Variants in COMMD9 observed in about 807,000 individuals in gnomAD.
COMMD9 encodes COMM domain containing 9, also known as COMM domain-containing protein 9.
In COMMD9, 22 loss-of-function variants were observed where a neutral mutation model predicts 23.4. The observed-to-expected ratio is 0.94, with a 90% confidence interval of 0.67 to 1.34. COMMD9 has a LOEUF of 1.34. COMMD9 is among the 40% of genes most tolerant of loss of function. The pLI is 0.00. For missense variants in COMMD9, 231 were observed against 240.2 expected (o/e 0.96, Z 0.25); for synonymous variants, 99 against 97.4 (o/e 1.02, Z -0.10).
chr11:36,279,825 G>T (rs1325257411), intron 2 of COMMD9, among the ~76,000 whole-genome samples: 3 of 152,146 alleles, frequency 2.0e-5, no homozygotes, highest in Non-Finnish European at 4.4e-5. Context: ...AAAAACATAG[G>T]CCAGGTGCAG....
chr11:36,280,221 G>A (rs1856041999), intron 2 of COMMD9, among the ~76,000 whole-genome samples: 1 of 152,228 alleles, frequency 6.6e-6, no homozygotes, highest in Non-Finnish European at 1.5e-5. Context: ...CTTACCACAA[G>A]TTACCTTAAT....
rs1855939765 is a variant in COMMD9 at position 36,274,680 on chromosome 11, A to G, written c.549T>C (p.Asp183=). 6 of 1,614,274 alleles carry G rather than the reference A, an allele frequency of 3.7e-6. No individual in the cohort carries two copies. The highest frequency in any genetic ancestry group is 5.1e-6 in the Non-Finnish European group (6 of 1,180,050). Residue 183 remains aspartate (D), a synonymous_variant, in exon 6 of 6, where the codon GAT becomes GAC. Coordinates refer to ENST00000263401, the MANE Select transcript of COMMD9 (RefSeq NM_014186.4). The stretch of plus-strand genomic sequence containing the variant: ...GTTGGTCTCGGATGCGGCCCAGGCC[A>G]TCTAACATGGTGTCCAGTGTTTCTT... The part of the protein sequence containing the change: ...LSKETLDTML[D]GLGRIRDQLS...
intron 1 of COMMD9, among the ~76,000 whole-genome samples, chr11:36,285,535 C>A (rs1856136849): frequency 5.9e-5 from 9 of 151,970 alleles, no homozygotes; most frequent in Admixed American, 5.2e-4. Flanking sequence ...TACCCTGATA[C>A]CAAAACCGCA....
At chr11:36,287,630 G>A (rs1243730989) in intron 1 of COMMD9, among the ~76,000 whole-genome samples, 1 of 151,620 alleles carries the variant, frequency 6.6e-6, no homozygotes, top group Non-Finnish European at 1.5e-5. Context: ...AAAAAGAAAA[G>A]AAAGTACACA....
chr11:36,289,288 T>C, intron 1 of COMMD9, 74 bp downstream of exon 1: 1 of 1,430,498 alleles, frequency 7.0e-7, no homozygotes, highest in Non-Finnish European at 9.5e-7. Flanking sequence ...GGTCAATTTG[T>C]TCCCAATTCC....
At chr11:36,280,556 G>T (rs1300883148) in intron 2 of COMMD9, among the ~76,000 whole-genome samples, 156 bp downstream of exon 2, 1 of 152,198 alleles carries the variant, frequency 6.6e-6, no homozygotes, top group East Asian at 1.9e-4. Flanking sequence ...TCTGATTCTG[G>T]GTACAGTTCT....
chr11:36,280,837 C>T lies in COMMD9; in HGVS notation c.52G>A (p.Ala18Thr). ...HFAALQSLLK[A>T]SSKDVVRQLC... ...TGTCTGACAACATCTTTCGAGGAGGCCTATGAATTAAATCACAGATAGGAA... is the reference window on the plus strand; with the variant it reads ...TGTCTGACAACATCTTTCGAGGAGGTCTATGAATTAAATCACAGATAGGAA... The change falls in exon 2 of 6, where the codon GCC becomes ACC. Residue 18 changes from alanine to threonine, a missense_variant and splice_region_variant. Transcript: ENST00000263401. The T allele has an allele frequency of 1.3e-6, 2 of 1,558,666 alleles. No individual in the cohort carries two copies. The highest frequency in any genetic ancestry group is 1.7e-6 in the Non-Finnish European group (2 of 1,152,808).
chr11:36,282,127 C>G (rs774459696), intron 1 of COMMD9, among the ~76,000 whole-genome samples: 4 of 152,068 alleles, frequency 2.6e-5, no homozygotes, highest in African/African-American at 9.7e-5. Flanking sequence ...AGAGAAAAAA[C>G]TATGAACAGA....
intron 1 of COMMD9, among the ~76,000 whole-genome samples, chr11:36,288,774 T>G (rs1297419939): frequency 6.6e-6 from 1 of 152,202 alleles, no homozygotes; most frequent in African/African-American, 2.4e-5. Context: ...CTCTCCAGCC[T>G]GGACAACAGA....
At chr11:36,287,114 GTATAC>G (rs1856174949) in intron 1 of COMMD9, among the ~76,000 whole-genome samples, 1 of 94,574 alleles carries the variant, frequency 1.1e-5, no homozygotes, top group African/African-American at 3.5e-5. Flanking sequence ...CGCGTAGTAT[GTATAC>G]TACATACTAT....
Position 36,274,360 on chromosome 11 carries a change from C to A in COMMD9, c.*272G>T. On this transcript the variant is annotated 3_prime_UTR_variant, in exon 6 of 6. Transcript: ENST00000263401. ...ACGATGCAAATGTTCCCTCACCCTG[C>A]CATGGTGGTAATTAAGTTGCACTCA... is the stretch of plus-strand genomic sequence containing the variant. The A allele has an allele frequency of 1.5e-6, 1 of 653,376 alleles. No individual in the cohort carries two copies. The highest frequency in any genetic ancestry group is 2.8e-6 in the Non-Finnish European group (1 of 354,166). The allele number at this position is 653,376 out of a possible 1,614,324, so 40.5% of individuals were successfully genotyped here.
chr11:36,288,097 A>G (rs969618693), intron 1 of COMMD9, among the ~76,000 whole-genome samples: 1 of 152,176 alleles, frequency 6.6e-6, no homozygotes, highest in Non-Finnish European at 1.5e-5. Flanking sequence ...TGCCAGTCCC[A>G]GCTCTGTTAC....
At chr11:36,280,980 A>G (rs1213913031) in intron 1 of COMMD9, 143 bp from the exon 2 acceptor site, 2 of 866,116 alleles carry the variant, frequency 2.3e-6, no homozygotes, top group Non-Finnish European at 3.3e-6. Flanking sequence ...AGGAAGATCA[A>G]ATAGATGTAC....
chr11:36,287,073 G>A (rs11033528), intron 1 of COMMD9, among the ~76,000 whole-genome samples: 52,999 of 55,794 alleles, frequency 0.95, 25,287 homozygotes, highest in Middle Eastern at 1. Context: ...TATGTATATC[G>A]CGTAGTATGT....
intron 1 of COMMD9, among the ~76,000 whole-genome samples, chr11:36,286,923 G>T (rs905739222): frequency 2.6e-5 from 4 of 152,026 alleles, no homozygotes; most frequent in African/African-American, 7.2e-5. Flanking sequence ...AATCTTTGTG[G>T]TGGTGGAAAT....
At position 36,278,561 on chromosome 11, in the gene COMMD9, G is replaced by A. The variant is rs1404626031; in HGVS notation, c.233C>T (p.Ser78Phe). 1.2e-6 allele frequency: 2 copies of A among 1,614,226 alleles called. No individual in the cohort carries two copies. Among genetic ancestry groups the A allele is most frequent in the South Asian group, 1.1e-5 (1 of 91,090 alleles). ...AAAGAGAGCCAGAATTGCCTCGGCAGAGGACAGGTCACGGAATGCCACCAG... is the reference window on the plus strand; with the variant it reads ...AAAGAGAGCCAGAATTGCCTCGGCAAAGGACAGGTCACGGAATGCCACCAG... Reference protein sequence around the residue: ...TRLVAFRDLSSAEAILALFPE... With the variant: ...TRLVAFRDLSFAEAILALFPE... The change falls in exon 3 of 6, where the codon TCT becomes TTT. Residue 78 changes from serine to phenylalanine, a missense_variant. Ser to Phe is a radical substitution (Grantham distance 155, BLOSUM62 -2). Transcript: ENST00000263401.
Position 36,276,146 on chromosome 11 carries a change from G to A in COMMD9, c.447C>T (p.Leu149=), listed in dbSNP as rs1355622842. The change falls in exon 5 of 6, where the codon CTC becomes CTT. Residue 149 remains leucine, a synonymous_variant. Coordinates refer to ENST00000263401, the MANE Select transcript of COMMD9 (RefSeq NM_014186.4). ...ATGATAGTGAATGTACCTTCATCTGGAGCAGGCAGGTGGGGACGGCCATGC... is the reference window on the plus strand; with the variant it reads ...ATGATAGTGAATGTACCTTCATCTGAAGCAGGCAGGTGGGGACGGCCATGC... The part of the protein sequence containing the change: ...ISRMAVPTCL[L]QMKIQEDPSL... The A allele has an allele frequency of 4.3e-6, 7 of 1,612,558 alleles. No homozygotes were observed. The East Asian group carries it at 1.1e-4, about 26-fold the overall frequency.
Position 36,280,765 on chromosome 11 carries a change from G to T in COMMD9, c.124C>A (p.Leu42Ile). 6.2e-7 allele frequency: 1 copy of T among 1,609,148 alleles called. No individual in the cohort carries two copies. Among genetic ancestry groups the T allele is most frequent in the Non-Finnish European group, 8.5e-7 (1 of 1,176,868 alleles). ...AAGCTGGAACATGTAACATCCAAGA[G>T]TTTTTTCAAGCCAAGGGCTGAACTG... ...FSSSALGLKK[L>I]LDVTCSSLSV... Residue 42 changes from leucine to isoleucine, a missense_variant, in exon 2 of 6, where the codon CTC becomes ATC. Physicochemically the swap from Leu to Ile is conservative, Grantham distance 5. Transcript: ENST00000263401.
intron 3 of COMMD9, among the ~76,000 whole-genome samples, chr11:36,277,902 G>C (rs1300640869): frequency 6.6e-6 from 1 of 152,114 alleles, no homozygotes; most frequent in East Asian, 1.9e-4. Flanking sequence ...TACTACTGTG[G>C]AAAAATACTG....
Sources: allele counts gnomAD v4.1 joint callset (sites outside exome capture counted in the v4.1 genomes callset), GRCh38; gene constraint gnomAD v4.1.1; transcripts MANE v1.5; gene names NCBI Gene and HGNC (gene_info 2026-07-23, HGNC 2026-07-21).